DPY19L4: variants seen among roughly 807,000 people sequenced by gnomAD.
DPY19L4 encodes probable C-mannosyltransferase DPY19L4.
DPY19L4 carries 97 observed loss-of-function variants against 102.8 expected under a neutral mutation model. That is an observed-to-expected ratio of 0.94 (90% CI 0.80 to 1.12). The LOEUF (loss-of-function observed/expected upper bound fraction) is 1.12. Ranked by LOEUF, DPY19L4 falls within the 50% of genes most tolerant of loss-of-function variation. DPY19L4 has a pLI of 0.00. For synonymous variants in DPY19L4, 252 were observed against 283.1 expected, an observed-to-expected ratio of 0.89 and a Z score of 1.10; for missense variants, 815 against 850.4, an observed-to-expected ratio of 0.96 and a Z score of 0.52.
chr8:94,774,835 C>G (rs1243983022), intron 13 of DPY19L4, among the ~76,000 whole-genome samples: 1 of 152,132 alleles, frequency 6.6e-6, no homozygotes, highest in Non-Finnish European at 1.5e-5. Context: ...CCTCGGCCCC[C>G]CAAAGTGCTG....
At position 94,780,407 on chromosome 8, in the gene DPY19L4, T is replaced by C; in HGVS notation, c.1624T>C (p.Trp542Arg). The change falls in exon 15 of 19, where the codon TGG becomes CGG. Residue 542 changes from tryptophan (W) to arginine (R), a missense_variant. Trp to Arg is a moderately radical substitution (Grantham distance 101). Transcript: ENST00000414645. ...GCCTACTATAATAGGTCTCAGCTTA[T>C]GGAAAGAGGTAAAAAAATTAGATTT... Reference protein sequence around the residue: ...AVPTIIGLSLWKEFFPRLMTE... With the variant: ...AVPTIIGLSLRKEFFPRLMTE... The C allele has an allele frequency of 1.4e-6, 2 of 1,461,434 alleles. No homozygotes were observed. The highest frequency in any genetic ancestry group is 2.4e-5 in the East Asian group (1 of 42,536). 90.5% of individuals were successfully genotyped at this position (1,461,434 alleles called of 1,614,324 possible). A position where few individuals can be genotyped will look rare whatever the true frequency, so the allele number is the denominator to read the frequency against.
chr8:94,767,455 G>A (rs1184689041), intron 11 of DPY19L4, among the ~76,000 whole-genome samples: 2 of 151,884 alleles, frequency 1.3e-5, no homozygotes, highest in Non-Finnish European at 2.9e-5. Context: ...TACCATGCCC[G>A]GCTAATTTTT....
chr8:94,754,267 A>G (rs1274721301), intron 6 of DPY19L4, among the ~76,000 whole-genome samples: 1 of 152,194 alleles, frequency 6.6e-6, no homozygotes, highest in Non-Finnish European at 1.5e-5. Flanking sequence ...CTGTTATATA[A>G]GGAGAAAACT....
Position 94,739,114 on chromosome 8 carries a change from A to G in DPY19L4, c.344-299A>G, listed in dbSNP as rs553880773. Among the ~76,000 whole-genome samples the G allele has an allele frequency of 2.6e-5, 4 of 152,172 alleles. No individual in the cohort carries two copies. The East Asian group carries it at 7.7e-4, about 29-fold the overall frequency. ...CAGAATACTAGAAGTTATTTTTCCT[A>G]TCTAGCTGTAATTTTGTATCCATTA... On this transcript the variant is annotated intron_variant, in intron 4 of 18. Transcript: ENST00000414645.
intron 16 of DPY19L4, 57 bp downstream of exon 16, chr8:94,781,223 A>G: frequency 7.7e-7 from 1 of 1,301,600 alleles, no homozygotes; most frequent in Non-Finnish European, 1.0e-6. Flanking sequence ...ACTGCATGCT[A>G]TCTAATGAAT....
intron 3 of DPY19L4, among the ~76,000 whole-genome samples, chr8:94,737,288 C>T (rs566535697): frequency 1.6e-3 from 241 of 152,148 alleles, no homozygotes; most frequent in Non-Finnish European, 2.9e-3. Flanking sequence ...TGGGTTCAAG[C>T]GATTCTCCCA....
intron 12 of DPY19L4, among the ~76,000 whole-genome samples, chr8:94,768,916 G>A (rs1812797311): frequency 6.6e-6 from 1 of 151,178 alleles, no homozygotes; most frequent in Admixed American, 6.6e-5. Flanking sequence ...GGGAAGCTGA[G>A]GCAGGAGAAT....
chr8:94,730,536 G>A (rs925248267), intron 2 of DPY19L4, among the ~76,000 whole-genome samples: 2 of 151,216 alleles, frequency 1.3e-5, no homozygotes, highest in Admixed American at 6.6e-5. Context: ...ACCTGAGGTC[G>A]GGAGTTTGAG....
intron 4 of DPY19L4, 57 bp downstream of exon 4, chr8:94,738,516 C>CA: frequency 2.6e-6 from 2 of 779,682 alleles, no homozygotes; most frequent in Non-Finnish European, 3.5e-6. Context: ...CTTTTCTTTT[C>CA]TTTTTTTTTT....
At chr8:94,761,640 C>T (rs1490484188) in intron 7 of DPY19L4, 60 bp from the exon 8 acceptor site, 5 of 1,428,020 alleles carry the variant, frequency 3.5e-6, no homozygotes, top group African/African-American at 1.4e-5. Context: ...GTAACAGTCT[C>T]ATAGGCTTTT....
chr8:94,775,184 C>CTTT (rs34816783), intron 13 of DPY19L4, among the ~76,000 whole-genome samples: 61 of 147,476 alleles, frequency 4.1e-4, no homozygotes, highest in Non-Finnish European at 5.4e-4. Flanking sequence ...CAGAGCTTTC[C>CTTT]TTTTTTTTTT....
At chr8:94,726,249 G>T in intron 1 of DPY19L4, 82 bp from the exon 2 acceptor site, 1 of 1,160,588 alleles carries the variant, frequency 8.6e-7, no homozygotes, top group South Asian at 1.9e-5. Context: ...TTTTGCTTTA[G>T]AATAATAAAG....
Position 94,792,975 on chromosome 8 carries a change from G to A in DPY19L4, c.*3065G>A, listed in dbSNP as rs1407747773. On this transcript the variant is annotated 3_prime_UTR_variant, in exon 19 of 19. Coordinates refer to ENST00000414645, the MANE Select transcript of DPY19L4 (RefSeq NM_181787.3). ...GAATAAGATATATGATATTGATTCT[G>A]AGCTGCTTTGTATTTTTTCTGACTT... The A allele has an allele frequency of 2.6e-5, 4 of 152,194 alleles. No individual in the cohort carries two copies. The highest frequency in any genetic ancestry group is 9.6e-5 in the African/African-American group (4 of 41,454). The allele number at this position is 152,194 out of a possible 1,614,324, so 9.4% of individuals were successfully genotyped here. A position where few individuals can be genotyped will look rare whatever the true frequency, so the allele number is the denominator to read the frequency against.
rs556041388 is a variant in DPY19L4, at chr8:94,751,624, C to T, written c.612-4412C>T. ...CCTGCCTCAGCCTCCCAAGTAGCTGCGATTACAGGTGCGCACCACCACGGC... is the reference window on the plus strand; with the variant it reads ...CCTGCCTCAGCCTCCCAAGTAGCTGTGATTACAGGTGCGCACCACCACGGC... On this transcript the variant is annotated intron_variant, in intron 6 of 18. Transcript: ENST00000414645. 3.3e-5 allele frequency among the ~76,000 whole-genome samples: 5 copies of T among 151,952 alleles called. No individual in the cohort carries two copies. In the South Asian group the frequency reaches 6.2e-4, roughly 19 times the overall value.
rs1384392102 is a variant in DPY19L4 at position 94,777,741 on chromosome 8, A to G, written c.1530A>G (p.Thr510=). Residue 510 remains threonine (T), a synonymous_variant, in exon 14 of 19, where the codon ACA becomes ACG. Transcript: ENST00000414645. ...TATGTTCTCCCGAACTTTGGATGAC[A>G]CTTTTCAAGTGGCTTCGATTAAGAA... ...FGVCSPELWM[T]LFKWLRLRTV... is the part of the protein sequence containing the mutation. The G allele has an allele frequency of 2.5e-6, 4 of 1,613,948 alleles. No individual in the cohort carries two copies. Among genetic ancestry groups the G allele is most frequent in the Non-Finnish European group, 3.4e-6 (4 of 1,179,996 alleles).
chr8:94,766,752 C>A, intron 11 of DPY19L4, 67 bp downstream of exon 11: 4 of 1,431,954 alleles, frequency 2.8e-6, no homozygotes, highest in South Asian at 1.2e-5. Context: ...AAAAAATACT[C>A]GATGGCCGGG....
rs1259466340 is a variant in DPY19L4 at position 94,765,796 on chromosome 8, A to C, written c.1088A>C (p.Asn363Thr). ...GTGTGTACTCTGACAATAACATTGA[A>C]TATTATAATGAAGGTAAGTAACTCT... is the stretch of plus-strand genomic sequence containing the variant. Reference protein sequence around the residue: ...YLVCTLTITLNIIMKMFVPHK... With the variant: ...YLVCTLTITLTIIMKMFVPHK... Residue 363 changes from asparagine (N) to threonine (T), a missense_variant, in exon 10 of 19, where the codon AAT becomes ACT. By Grantham distance (65) the Asn-to-Thr change is moderately conservative. Transcript: ENST00000414645. The C allele has an allele frequency of 6.4e-7, 1 of 1,553,776 alleles. No individual in the cohort carries two copies. Among genetic ancestry groups the C allele is most frequent in the East Asian group, 2.3e-5 (1 of 44,354 alleles).
chr8:94,790,142 C>A lies in DPY19L4; in HGVS notation c.*232C>A. 2.8e-6 allele frequency: 1 copy of A among 352,242 alleles called. No individual in the cohort carries two copies. Among genetic ancestry groups the A allele is most frequent in the Non-Finnish European group, 5.1e-6 (1 of 196,874 alleles). 21.8% of individuals were successfully genotyped at this position (352,242 alleles called of 1,614,324 possible). On this transcript the variant is annotated 3_prime_UTR_variant, in exon 19 of 19. Transcript: ENST00000414645. ...TGCAATATTCCAGACAGGTGTCTTC[C>A]TTACCGTTACATGGTCTTTAACACT...
intron 8 of DPY19L4, among the ~76,000 whole-genome samples, chr8:94,764,717 A>AT (rs869220296): frequency 8.9e-4 from 26 of 29,322 alleles, no homozygotes; most frequent in African/African-American, 2.8e-3. Context: ...ATATATATAT[A>AT]TTTTTTTTTT....
Sources: gnomAD v4.1 joint callset for allele counts (sites outside exome capture counted in the v4.1 genomes callset) on GRCh38, gnomAD v4.1.1 for gene constraint, MANE v1.5 for transcripts, NCBI Gene and HGNC (gene_info 2026-07-23, HGNC 2026-07-21) for gene names.